The following ASTN2 variants were observed in gnomAD, a reference collection of about 807,000 sequenced individuals.
The protein encoded by ASTN2 is astrotactin-2.
In ASTN2, 54 loss-of-function variants were observed where a neutral mutation model predicts 139.8. The ratio of observed to expected loss-of-function variants is 0.39; its 90% CI spans 0.31 to 0.48. ASTN2 has a LOEUF of 0.48. Among genes scored for constraint, ASTN2 ranks in the 20% least tolerant of loss-of-function variants. The pLI, the probability that ASTN2 is intolerant of heterozygous loss-of-function variation, is 0.95. For synonymous variants in ASTN2, 756 were observed against 719.5 expected (o/e 1.05, Z -0.81); for missense variants, 1,565 against 1,725.1 (o/e 0.91, Z 1.64).
At chr9:116,726,434 G>C (rs1296948885) in intron 15 of ASTN2, among the ~76,000 whole-genome samples, 1 of 152,160 alleles carries the variant, frequency 6.6e-6, no homozygotes, top group Non-Finnish European at 1.5e-5. Flanking sequence ...GGTAGAGAAA[G>C]AAGCTGGACT....
chr9:117,302,019 C>T (rs545341068), intron 1 of ASTN2, among the ~76,000 whole-genome samples: 62 of 131,766 alleles, frequency 4.7e-4, no homozygotes, highest in Non-Finnish European at 7.9e-4. Flanking sequence ...AGTTGTCTGT[C>T]TTCTCGTCAC....
chr9:117,281,354 A>C (rs1483697236), intron 2 of ASTN2, among the ~76,000 whole-genome samples: 5 of 152,182 alleles, frequency 3.3e-5, no homozygotes, highest in Non-Finnish European at 7.3e-5. Context: ...TTAAGTCCTC[A>C]TCTGTCTTGT....
At chr9:117,132,553 T>C (rs942474680) in intron 4 of ASTN2, among the ~76,000 whole-genome samples, 5 of 152,146 alleles carry the variant, frequency 3.3e-5, no homozygotes, top group Admixed American at 2.6e-4. Context: ...CCCTGATGTA[T>C]TTCAGATGGA....
chr9:116,783,706 A>ACTACTAAACTAAGCTACTACTACTATC (rs1830284363), intron 13 of ASTN2, among the ~76,000 whole-genome samples: 1 of 152,140 alleles, frequency 6.6e-6, no homozygotes, highest in South Asian at 2.1e-4. Context: ...TCTCATCTCT[A>ACTACTAAACTAAGCTACTACTACTATC]AACTAAGCTA....
intron 10 of ASTN2, among the ~76,000 whole-genome samples, chr9:116,967,115 G>C (rs4836916): frequency 0.62 from 93,817 of 152,078 alleles, 30,903 homozygotes; most frequent in South Asian, 0.81. Flanking sequence ...AAAACATGTA[G>C]AGCACTTAAG....
intron 5 of ASTN2, among the ~76,000 whole-genome samples, chr9:117,085,667 G>A (rs1277216851): frequency 1.3e-5 from 2 of 152,128 alleles, no homozygotes; most frequent in South Asian, 2.1e-4. Flanking sequence ...TTCTGACCAC[G>A]ACTATTTCTG....
Position 116,651,783 on chromosome 9 carries a change from C to G in ASTN2, c.2817G>C (p.Glu939Asp). ...ACTTGAGCTCCTTCTTGCTGCCCAG[C>G]TCTGTGGTCTCTGGAGAGGCACAAG... ...LWLQYQKETTELGSKKELKSM... is the reference protein window; with the variant it reads ...LWLQYQKETTDLGSKKELKSM... Residue 939 changes from glutamate (E) to aspartate (D), a missense_variant, in exon 17 of 23, where the codon GAG (glutamate) becomes GAC (aspartate). This residue lies in a region of ASTN2 where 48 missense variants were observed against 90.7 expected (regional missense o/e 0.53). Coordinates refer to ENST00000313400, the MANE Select transcript of ASTN2 (RefSeq NM_001365068.1). The G allele has an allele frequency of 1.2e-6, 2 of 1,613,444 alleles. No individual in the cohort carries two copies. The highest frequency in any genetic ancestry group is 1.3e-5 in the African/African-American group (1 of 75,044).
At position 117,238,628 on chromosome 9, in the gene ASTN2, C is replaced by T. The variant is rs1230347039; in HGVS notation, c.631-23886G>A. ...TTCAGTGATGAGAAACTGATTATTC[C>T]TTGATGATGGAGCAACCTGGGGAGA... On this transcript the variant is annotated intron_variant, in intron 2 of 22. Coordinates refer to ENST00000313400, the MANE Select transcript of ASTN2 (RefSeq NM_001365068.1). Among the ~76,000 whole-genome samples, 4 of 152,308 alleles carry T rather than the reference C, an allele frequency of 2.6e-5. No individual in the cohort carries two copies. The East Asian group carries it at 5.8e-4, about 22-fold the overall frequency.
chr9:117,294,896 T>A (rs1043996939), intron 1 of ASTN2, among the ~76,000 whole-genome samples: 3 of 152,212 alleles, frequency 2.0e-5, no homozygotes, highest in African/African-American at 7.2e-5. Flanking sequence ...CTTCTCAGTG[T>A]TTGTCTCTCA....
At chr9:116,951,571 G>A (rs755127240) in intron 10 of ASTN2, among the ~76,000 whole-genome samples, 3 of 152,088 alleles carry the variant, frequency 2.0e-5, no homozygotes, top group Non-Finnish European at 4.4e-5. Flanking sequence ...AAGTGCATGA[G>A]ATCAGGGTCA....
At chr9:116,428,676 G>A (rs1300849323) in intron 22 of ASTN2, among the ~76,000 whole-genome samples, 1 of 152,136 alleles carries the variant, frequency 6.6e-6, no homozygotes, top group African/African-American at 2.4e-5. Context: ...CTAGGGCAGT[G>A]GTTGTATGCA....
At chr9:116,805,526 G>A (rs1831007129) in intron 13 of ASTN2, 106 bp downstream of exon 13, 4 of 1,029,892 alleles carry the variant, frequency 3.9e-6, no homozygotes, top group Non-Finnish European at 5.8e-6. Context: ...AAGTGATGCT[G>A]GCCAGAATAA....
chr9:116,600,323 C>CAAAAAA (rs35224783), intron 19 of ASTN2, among the ~76,000 whole-genome samples: 11 of 118,964 alleles, frequency 9.2e-5, no homozygotes, highest in African/African-American at 1.4e-4. Flanking sequence ...GACCCTGTCT[C>CAAAAAA]AAAAAAAAAA....
chr9:117,285,088 T>C (rs928862737), intron 2 of ASTN2, among the ~76,000 whole-genome samples: 5 of 152,214 alleles, frequency 3.3e-5, no homozygotes, highest in Non-Finnish European at 1.5e-5. Context: ...AGTTATTATT[T>C]CTACTCAGTT....
At chr9:117,241,924 A>ACCC (rs373435287) in intron 2 of ASTN2, among the ~76,000 whole-genome samples, 14 of 128,136 alleles carry the variant, frequency 1.1e-4, no homozygotes, top group African/African-American at 4.0e-4. Flanking sequence ...CGTGCAAGTT[A>ACCC]CCCCCCCCCA....
chr9:117,197,589 G>A (rs960427864), intron 3 of ASTN2, among the ~76,000 whole-genome samples: 1 of 152,106 alleles, frequency 6.6e-6, no homozygotes, highest in Non-Finnish European at 1.5e-5. Context: ...GTGTGTGTGT[G>A]TATACACAAT....
intron 16 of ASTN2, among the ~76,000 whole-genome samples, chr9:116,653,156 A>T (rs1564184357): frequency 6.6e-6 from 1 of 152,172 alleles, no homozygotes; most frequent in Non-Finnish European, 1.5e-5. Context: ...ACATGGTGCG[A>T]CGGATGTATT....
intron 1 of ASTN2, among the ~76,000 whole-genome samples, chr9:117,345,934 G>A (rs1829200783): frequency 7.0e-6 from 1 of 142,666 alleles, no homozygotes; most frequent in Non-Finnish European, 1.5e-5. Flanking sequence ...CACTATTAAG[G>A]TTTTCTTGTA....
chr9:116,828,957 G>A (rs1831723763), intron 11 of ASTN2, among the ~76,000 whole-genome samples: 1 of 151,946 alleles, frequency 6.6e-6, no homozygotes. Flanking sequence ...TTAACAAGGA[G>A]GTGAAAGATC....
Sources: gnomAD v4.1 joint callset for allele counts (sites outside exome capture counted in the v4.1 genomes callset) on GRCh38, gnomAD v4.1.1 for gene constraint, gnomAD v4.1.1 regional missense constraint, MANE v1.5 for transcripts, NCBI Gene and HGNC (gene_info 2026-07-23, HGNC 2026-07-21) for gene names.